Variants in VPS13B observed in about 807,000 individuals in gnomAD.
The protein encoded by VPS13B is intermembrane lipid transfer protein VPS13B.
A neutral mutation model predicts 426.4 loss-of-function variants in VPS13B; 285 were observed. That is an observed-to-expected ratio of 0.67 (90% CI 0.61 to 0.74). The LOEUF is 0.74. Among genes scored for constraint, VPS13B ranks in the 30% least tolerant of loss-of-function variants. VPS13B has a pLI of 0.00. For synonymous variants in VPS13B, 1,676 were observed against 1,676.4 expected (o/e 1.00, Z 0.01); for missense variants, 4,537 against 4,782.6 (o/e 0.95, Z 1.51).
intron 39 of VPS13B, among the ~76,000 whole-genome samples, chr8:99,764,081 A>G (rs2130607299): frequency 6.6e-6 from 1 of 152,296 alleles, no homozygotes; most frequent in East Asian, 1.9e-4. Context: ...TGTCCTCAAA[A>G]CTGTGTTAGG....
At chr8:99,539,354 T>G (rs1823431771) in intron 30 of VPS13B, among the ~76,000 whole-genome samples, 5 of 152,186 alleles carry the variant, frequency 3.3e-5, no homozygotes, top group Admixed American at 3.3e-4. Flanking sequence ...TGATTATAAT[T>G]TTTGTATTTT....
intron 43 of VPS13B, among the ~76,000 whole-genome samples, chr8:99,792,455 C>T (rs1468788009): frequency 1.3e-5 from 2 of 152,018 alleles, no homozygotes; most frequent in African/African-American, 2.4e-5. Context: ...GAGAGAAAAT[C>T]TTGAGTGGGC....
intron 2 of VPS13B, among the ~76,000 whole-genome samples, chr8:99,037,920 G>A (rs1842819281): frequency 6.7e-6 from 1 of 149,468 alleles, no homozygotes; most frequent in Non-Finnish European, 1.5e-5. Flanking sequence ...CTTTCAACTT[G>A]ACTTAGAATA....
chr8:99,501,997 C>T (rs1422896069), intron 26 of VPS13B, 139 bp downstream of exon 26: 1 of 1,104,590 alleles, frequency 9.1e-7, no homozygotes, highest in East Asian at 2.6e-5. Context: ...GTCTGTCTTT[C>T]CTTTCTGACA....
chr8:99,178,246 C>T (rs960339080), intron 16 of VPS13B, among the ~76,000 whole-genome samples: 4 of 151,666 alleles, frequency 2.6e-5, no homozygotes, highest in African/African-American at 9.7e-5. Flanking sequence ...CATGCTGGTG[C>T]GCTGCACCCA....
intron 25 of VPS13B, among the ~76,000 whole-genome samples, chr8:99,493,417 T>A (rs1820720284): frequency 6.6e-6 from 1 of 152,054 alleles, no homozygotes; most frequent in Admixed American, 6.6e-5. Flanking sequence ...ATTGAAAAGG[T>A]ACTTGGCTAT....
chr8:99,457,070 C>T (rs551266352), intron 23 of VPS13B, among the ~76,000 whole-genome samples: 6 of 149,256 alleles, frequency 4.0e-5, no homozygotes, highest in African/African-American at 9.9e-5. Context: ...CTCACTCTGT[C>T]GCCCAGGCTG....
chr8:99,401,772 A>C (rs1223340860), intron 21 of VPS13B, among the ~76,000 whole-genome samples: 1 of 152,276 alleles, frequency 6.6e-6, no homozygotes, highest in East Asian at 1.9e-4. Context: ...AGGCTGAGGC[A>C]GGAGAATTGC....
At position 99,624,583 on chromosome 8, in the gene VPS13B, G is replaced by T. The variant is rs143473844; in HGVS notation, c.5221-17228G>T. On this transcript the variant is annotated intron_variant, in intron 33 of 61. Transcript: ENST00000357162. ...TTATCAAAATAAAATATATGCCAGT[G>T]CCTTGAGTCACTGTCCCACTGTCTT... 4.0e-4 allele frequency among the ~76,000 whole-genome samples: 61 copies of T among 152,254 alleles called. 1 individual carries two copies. The East Asian group carries it at 0.011, about 28-fold the overall frequency.
intron 30 of VPS13B, among the ~76,000 whole-genome samples, chr8:99,550,267 A>G (rs1475410379): frequency 6.6e-6 from 1 of 152,122 alleles, no homozygotes. Flanking sequence ...TTATAACAAT[A>G]TGGTTTTAAA....
At chr8:99,294,775 G>T (rs1819941200) in intron 19 of VPS13B, among the ~76,000 whole-genome samples, 1 of 152,150 alleles carries the variant, frequency 6.6e-6, no homozygotes, top group South Asian at 2.1e-4. Context: ...CTGTTGTGTT[G>T]TCCATTGCAT....
intron 19 of VPS13B, among the ~76,000 whole-genome samples, chr8:99,316,236 G>A (rs960919788): frequency 9.9e-5 from 15 of 152,204 alleles, no homozygotes; most frequent in Non-Finnish European, 1.9e-4. Flanking sequence ...TACTTGGAGT[G>A]GCAGGGCCAC....
At chr8:99,357,877 C>T (rs1418192880) in intron 19 of VPS13B, among the ~76,000 whole-genome samples, 3 of 152,174 alleles carry the variant, frequency 2.0e-5, no homozygotes, top group South Asian at 4.1e-4. Flanking sequence ...TATGGCATAA[C>T]GGAAAGAGGC....
In VPS13B at chr8:99,767,011, A is replaced by G. The variant is rs111915198; in HGVS notation, c.7247+41A>G. ...ATGATATGGTAGCATTACACTGGGAAACAATGATAAGTCATCTTTTCCTAT... is the reference window on the plus strand; with the variant it reads ...ATGATATGGTAGCATTACACTGGGAGACAATGATAAGTCATCTTTTCCTAT... On this transcript the variant is annotated intron_variant, in intron 40 of 61. Coordinates refer to ENST00000357162, the MANE Select transcript of VPS13B (RefSeq NM_152564.5). The G allele has an allele frequency of 7.6e-4, 1,216 of 1,594,062 alleles. 7 individuals are homozygous for G. In the African/African-American group the frequency reaches 0.013, roughly 17 times the overall value.
At chr8:99,773,939 G>T (rs1811627673) in intron 40 of VPS13B, among the ~76,000 whole-genome samples, 2 of 152,126 alleles carry the variant, frequency 1.3e-5, no homozygotes, top group Non-Finnish European at 2.9e-5. Flanking sequence ...ATCCACTGTT[G>T]TACTTAATTA....
intron 49 of VPS13B, 126 bp from the exon 50 acceptor site, chr8:99,821,168 C>CACACACT (rs1814348430): frequency 2.4e-6 from 1 of 415,998 alleles, no homozygotes; most frequent in African/African-American, 3.3e-5. Flanking sequence ...ACACACACAC[C>CACACACT]ATGGAGGGAT....
intron 19 of VPS13B, among the ~76,000 whole-genome samples, chr8:99,299,762 T>C (rs1308816529): frequency 6.6e-6 from 1 of 151,950 alleles, no homozygotes; most frequent in Non-Finnish European, 1.5e-5. Context: ...ATACAAAAAT[T>C]AGCTGAGCGT....
At chr8:99,101,006 T>G (rs1249561087) in intron 4 of VPS13B, among the ~76,000 whole-genome samples, 1 of 151,716 alleles carries the variant, frequency 6.6e-6, no homozygotes, top group Non-Finnish European at 1.5e-5. Flanking sequence ...ATCATGCCAT[T>G]GCACTCTAGC....
chr8:99,086,901 G>A (rs1333736512), intron 3 of VPS13B, among the ~76,000 whole-genome samples: 1 of 152,208 alleles, frequency 6.6e-6, no homozygotes, highest in African/African-American at 2.4e-5. Flanking sequence ...CTACTCGGGG[G>A]TCAGGGATCC....
Sources: gnomAD v4.1 joint callset for allele counts (sites outside exome capture counted in the v4.1 genomes callset) on GRCh38, gnomAD v4.1.1 for gene constraint, MANE v1.5 for transcripts, NCBI Gene and HGNC (gene_info 2026-07-23, HGNC 2026-07-21) for gene names.